Variants in UTRN observed in about 807,000 individuals in gnomAD.
UTRN encodes the protein utrophin, also known as dystrophin-related protein 1.
UTRN carries 283 observed loss-of-function variants against 463.9 expected under a neutral mutation model. The ratio of observed to expected loss-of-function variants is 0.61; its 90% confidence interval spans 0.55 to 0.67. UTRN has a LOEUF of 0.67. Ranked by LOEUF, UTRN falls within the 30% of genes least tolerant of loss-of-function variation. UTRN has a pLI of 0.00. For synonymous variants in UTRN, 1,442 were observed against 1,431.5 expected (o/e 1.01, Z -0.17); for missense variants, 3,922 against 4,084.3 (o/e 0.96, Z 1.08).
At chr6:144,603,935 A>G (rs1032347545) in intron 51 of UTRN, among the ~76,000 whole-genome samples, 5 of 152,236 alleles carry the variant, frequency 3.3e-5, no homozygotes, top group African/African-American at 1.2e-4. Context: ...TATGATTTCC[A>G]TCAAATAAAA....
intron 33 of UTRN, among the ~76,000 whole-genome samples, chr6:144,495,656 G>A (rs965998417): frequency 6.6e-6 from 1 of 152,218 alleles, no homozygotes; most frequent in African/African-American, 2.4e-5. Flanking sequence ...CAGAGGAGGC[G>A]CCGAGAGCGA....
intron 51 of UTRN, among the ~76,000 whole-genome samples, chr6:144,607,059 A>C (rs1397545653): frequency 1.3e-5 from 2 of 152,244 alleles, no homozygotes; most frequent in East Asian, 3.8e-4. Context: ...TTCTCTTTAA[A>C]GGTAAAACTC....
In UTRN at chr6:144,533,116, C is replaced by T; in HGVS notation, c.6089C>T (p.Pro2030Leu). 6.2e-7 allele frequency: 1 copy of T among 1,613,322 alleles called. No individual in the cohort carries two copies. Among genetic ancestry groups the T allele is most frequent in the Non-Finnish European group, 8.5e-7 (1 of 1,179,392 alleles). Residue 2030 changes from proline (P) to leucine (L), a missense_variant, in exon 43 of 75, where the codon CCC (proline) becomes CTC (leucine). This residue lies in a region of UTRN where 2,349 missense variants were observed against 2,303.8 expected (regional missense o/e 1.02). Transcript: ENST00000367545. Reference protein sequence around the residue: ...ELEVGISSHQPSFAALNRTGD... With the variant: ...ELEVGISSHQLSFAALNRTGD... ...GAGGTGGGCATCAGCAGCCACCAGC[C>T]CAGTTTTGCAGCACTAAACCGAACT...
At position 144,479,874 on chromosome 6, in the gene UTRN, C is replaced by T. The variant is rs34780332; in HGVS notation, c.3399C>T (p.Asp1133=). The T allele has an allele frequency of 5.5e-3, 8,849 of 1,614,028 alleles. 407 individuals carry two copies. In the African/African-American group the frequency reaches 0.1, roughly 18 times the overall value. The stretch of plus-strand genomic sequence containing the variant: ...AAAAAGCTGCGAACCTGAAGAAAGA[C>T]TTGGCAGAGATGCAGGAATGGATGA... ...SQEKAANLKK[D]LAEMQEWMTQ... Residue 1133 remains aspartate, a synonymous_variant, in exon 26 of 75, where the codon GAC becomes GAT. Transcript: ENST00000367545.
intron 35 of UTRN, among the ~76,000 whole-genome samples, chr6:144,513,604 G>C (rs1795365078): frequency 6.6e-6 from 1 of 152,152 alleles, no homozygotes; most frequent in South Asian, 2.1e-4. Context: ...TGTAATATAA[G>C]AATAAGGAAT....
At chr6:144,374,292 C>A (rs1378915810) in intron 2 of UTRN, among the ~76,000 whole-genome samples, 6 of 151,830 alleles carry the variant, frequency 4.0e-5, no homozygotes, top group Admixed American at 3.9e-4. Flanking sequence ...ATATGTATAA[C>A]AAAACAAAAT....
intron 2 of UTRN, among the ~76,000 whole-genome samples, chr6:144,349,538 A>G (rs1777925524): frequency 6.6e-6 from 1 of 152,212 alleles, no homozygotes; most frequent in South Asian, 2.1e-4. Context: ...AAATAAATGG[A>G]ATAATAAATT....
In UTRN at chr6:144,551,001, C is replaced by A; in HGVS notation, c.6847C>A (p.Leu2283Met). The A allele has an allele frequency of 6.2e-7, 1 of 1,612,144 alleles. No homozygotes were observed. Among genetic ancestry groups the A allele is most frequent in the Non-Finnish European group, 8.5e-7 (1 of 1,179,492 alleles). The change falls in exon 48 of 75, where the codon CTG (leucine) becomes ATG (methionine). Residue 2283 changes from leucine to methionine, a missense_variant. Physicochemically the swap from Leu to Met is conservative, Grantham distance 15. This residue lies in a region of UTRN where 1,309 missense variants were observed against 1,452.6 expected (regional missense o/e 0.90). Transcript: ENST00000367545. ...KADLEQRHPQ[L>M]DYVFTLAQNL... ...TGACTTAGAACAGCGCCATCCTCAG[C>A]TGGATTATGTTTTTACATTGGCACA...
intron 61 of UTRN, 126 bp downstream of exon 61, chr6:144,782,249 T>C: frequency 1.3e-6 from 1 of 796,820 alleles, no homozygotes; most frequent in Non-Finnish European, 1.9e-6. Context: ...GAAATATTTA[T>C]GTTTGTTGTT....
At chr6:144,660,462 T>G (rs1268614111) in intron 51 of UTRN, among the ~76,000 whole-genome samples, 1 of 152,196 alleles carries the variant, frequency 6.6e-6, no homozygotes, top group Admixed American at 6.5e-5. Flanking sequence ...AATTACTTCC[T>G]TTGGTCAGGA....
intron 2 of UTRN, among the ~76,000 whole-genome samples, chr6:144,313,220 T>G (rs1320477382): frequency 1.3e-5 from 2 of 152,132 alleles, no homozygotes; most frequent in African/African-American, 4.8e-5. Context: ...CAGGTTGCAT[T>G]CCTGATTTCT....
At chr6:144,753,509 C>T (rs1202317708) in intron 56 of UTRN, among the ~76,000 whole-genome samples, 1 of 151,866 alleles carries the variant, frequency 6.6e-6, no homozygotes, top group East Asian at 1.9e-4. Flanking sequence ...GTCTTAGCTA[C>T]TTGAGAGACT....
At chr6:144,416,207 A>G (rs570422714) in intron 3 of UTRN, among the ~76,000 whole-genome samples, 1 of 152,118 alleles carries the variant, frequency 6.6e-6, no homozygotes, top group Non-Finnish European at 1.5e-5. Flanking sequence ...TCACCCTATG[A>G]CCTGGTGTGC....
chr6:144,690,095 TTGTGTG>T lies in UTRN; in HGVS notation c.7653-9962_7653-9957del, dbSNP rs1554339292. ...TTCTGTTTTTTTTTTTTTTTTTTTT[TTGTGTG>T]TGTGTGTGTGTGTGTGTGTGTGTGT... On this transcript the variant is annotated intron_variant, in intron 52 of 74. Transcript: ENST00000367545. Among the ~76,000 whole-genome samples, 310 of 33,350 alleles carry T rather than the reference TTGTGTG, an allele frequency of 9.3e-3. 4 individuals carry two copies. The highest frequency in any genetic ancestry group is 0.011 in the Non-Finnish European group (233 of 21,842). 21.9% of individuals were successfully genotyped at this position (33,350 alleles called of 152,430 possible).
In UTRN at chr6:144,403,190, T is replaced by C. The variant is rs746297578; in HGVS notation, c.141+6T>C. 1 of 1,612,300 alleles carries C rather than the reference T, an allele frequency of 6.2e-7. No homozygotes were observed. Among genetic ancestry groups the C allele is most frequent in the South Asian group, 1.1e-5 (1 of 90,918 alleles). ...TAAATGCTCGATTTTCAAAGGTAAC[T>C]GAGACTTTCAAAAACTTCGATGGTT... On this transcript the variant is annotated splice_donor_region_variant and intron_variant, in intron 3 of 74. Transcript: ENST00000367545.
chr6:144,503,632 A>G (rs1400337622), intron 34 of UTRN, among the ~76,000 whole-genome samples: 3 of 152,178 alleles, frequency 2.0e-5, no homozygotes, highest in Non-Finnish European at 4.4e-5. Context: ...TACCAGTACC[A>G]TGCTGTTTTG....
chr6:144,805,714 T>C (rs1176270830), intron 65 of UTRN, among the ~76,000 whole-genome samples: 1 of 152,116 alleles, frequency 6.6e-6, no homozygotes, highest in Non-Finnish European at 1.5e-5. Flanking sequence ...GCCCTTCTGA[T>C]TGTAGGGCCC....
At position 144,426,534 on chromosome 6, in the gene UTRN, C is replaced by T. The variant is rs1584737741; in HGVS notation, c.578+75C>T. ...CTCTGTCCCTTTGCTGCCACCACTACTCCCTGAAGCCCCTTCTCCAGTGCC... is the reference window on the plus strand; with the variant it reads ...CTCTGTCCCTTTGCTGCCACCACTATTCCCTGAAGCCCCTTCTCCAGTGCC... On this transcript the variant is annotated intron_variant, in intron 7 of 74. Coordinates refer to ENST00000367545, the MANE Select transcript of UTRN (RefSeq NM_007124.3). The T allele has an allele frequency of 3.5e-6, 5 of 1,440,026 alleles. No homozygotes were observed. The East Asian group carries it at 1.3e-4, about 37-fold the overall frequency. The allele number at this position is 1,440,026 out of a possible 1,614,324, so 89.2% of individuals were successfully genotyped here. A position where few individuals can be genotyped will look rare whatever the true frequency, so the allele number is the denominator to read the frequency against.
At position 144,288,237 on chromosome 6, in the gene UTRN, T is replaced by C. The variant is rs1301009766; in HGVS notation, c.-93+2416T>C. 2.6e-5 allele frequency among the ~76,000 whole-genome samples: 4 copies of C among 152,236 alleles called. No homozygotes were observed. In the South Asian group the frequency reaches 6.2e-4, roughly 24 times the overall value. On this transcript the variant is annotated intron_variant, in intron 1 of 74. Transcript: ENST00000367545. ...TGCAACCTGTAAGGGATTTTCATTA[T>C]CAAGAAGAGAAAAATTTGAAAAATC...
Sources: allele counts gnomAD v4.1 joint callset (sites outside exome capture counted in the v4.1 genomes callset), GRCh38; gene constraint gnomAD v4.1.1; regional missense constraint gnomAD v4.1.1; transcripts MANE v1.5; gene names NCBI Gene and HGNC (gene_info 2026-07-23, HGNC 2026-07-21).